NDST3: variants seen among roughly 807,000 people sequenced by gnomAD.
NDST3 encodes N-deacetylase and N-sulfotransferase 3, also known as bifunctional heparan sulfate N-deacetylase/N-sulfotransferase 3.
NDST3 carries 58 observed loss-of-function variants against 96.1 expected under a neutral mutation model. The ratio of observed to expected loss-of-function variants is 0.60; its 90% CI spans 0.49 to 0.75. The LOEUF is 0.75. NDST3 is among the 30% of genes least tolerant of loss of function. NDST3 has a pLI of 0.00. For missense variants in NDST3, 788 were observed against 1,034.2 expected (o/e 0.76, Z 3.27); for synonymous variants, 333 against 359.7 (o/e 0.93, Z 0.84).
At chr4:118,183,507 T>G (rs1204760496) in intron 6 of NDST3, among the ~76,000 whole-genome samples, 3 of 152,094 alleles carry the variant, frequency 2.0e-5, no homozygotes, top group Non-Finnish European at 4.4e-5. Context: ...CCACCATGAA[T>G]CATCTCACTA....
intron 12 of NDST3, among the ~76,000 whole-genome samples, chr4:118,251,104 AT>A (rs1560747538): frequency 2.2e-5 from 3 of 139,158 alleles, no homozygotes; most frequent in East Asian, 4.1e-4. Context: ...TTATTTATTT[AT>A]TTATTTATTT....
intron 1 of NDST3, among the ~76,000 whole-genome samples, chr4:118,049,696 C>T (rs1360799036): frequency 6.6e-6 from 1 of 150,802 alleles, no homozygotes; most frequent in Admixed American, 6.6e-5. Flanking sequence ...CTGAAAAGAC[C>T]AATATCAAGC....
chr4:118,195,740 T>C (rs1359329254), intron 6 of NDST3, among the ~76,000 whole-genome samples: 4 of 152,258 alleles, frequency 2.6e-5, no homozygotes, highest in Admixed American at 2.0e-4. Context: ...TCAGTTCTAA[T>C]AGTTTTTTGG....
intron 6 of NDST3, among the ~76,000 whole-genome samples, chr4:118,146,392 G>C (rs545020250): frequency 2.0e-4 from 30 of 152,130 alleles, no homozygotes; most frequent in Non-Finnish European, 4.0e-4. Flanking sequence ...CATTTGAGCT[G>C]AAAACAAAAA....
intron 12 of NDST3, among the ~76,000 whole-genome samples, chr4:118,247,509 G>C (rs535217946): frequency 6.6e-6 from 1 of 151,896 alleles, no homozygotes; most frequent in Non-Finnish European, 1.5e-5. Flanking sequence ...CCAAGATCGC[G>C]CCACTGCAAT....
rs149661802 is a variant in NDST3, at chr4:118,211,790, G to A, written c.1540-12701G>A. The stretch of plus-strand genomic sequence containing the variant: ...TAATTAAAGCTAGAAAGTACAGTCC[G>A]TAAATCTGTGTAACTAGGCTCTCAT... On this transcript the variant is annotated intron_variant, in intron 6 of 13. Transcript: ENST00000296499. Among the ~76,000 whole-genome samples, 390 of 152,184 alleles carry A rather than the reference G, an allele frequency of 2.6e-3. 1 individual carries two copies. Among genetic ancestry groups the A allele is most frequent in the African/African-American group, 8.8e-3 (366 of 41,554 alleles).
intron 6 of NDST3, among the ~76,000 whole-genome samples, chr4:118,210,089 A>G (rs1343488719): frequency 6.6e-6 from 1 of 152,182 alleles, no homozygotes; most frequent in African/African-American, 2.4e-5. Context: ...AAAAATGTCA[A>G]GTTCCTGGAA....
chr4:118,194,247 T>C (rs753186381), intron 6 of NDST3: 4 of 724,822 alleles, frequency 5.5e-6, no homozygotes, highest in Non-Finnish European at 1.0e-5. Flanking sequence ...GCAATCTCCA[T>C]GATAGCACCC....
intron 4 of NDST3, among the ~76,000 whole-genome samples, chr4:118,115,773 T>C (rs977199468): frequency 3.3e-5 from 5 of 152,160 alleles, no homozygotes; most frequent in Admixed American, 6.5e-5. Flanking sequence ...TTTCAGTTGG[T>C]TCTCACAGTA....
At chr4:118,111,685 C>T (rs142622890) in intron 3 of NDST3, among the ~76,000 whole-genome samples, 9 of 151,976 alleles carry the variant, frequency 5.9e-5, no homozygotes, top group African/African-American at 9.7e-5. Context: ...TACAGGTGCC[C>T]GCCACCATGC....
intron 4 of NDST3, among the ~76,000 whole-genome samples, chr4:118,123,316 A>C (rs1731763142): frequency 6.6e-6 from 1 of 152,116 alleles, no homozygotes; most frequent in South Asian, 2.1e-4. Flanking sequence ...CAAGATTCCT[A>C]ATCAACCTTG....
At chr4:118,133,245 G>A (rs1005633931) in intron 4 of NDST3, among the ~76,000 whole-genome samples, 2 of 152,186 alleles carry the variant, frequency 1.3e-5, no homozygotes, top group African/African-American at 4.8e-5. Context: ...AGCTCTAACT[G>A]ATGACATGCA....
chr4:118,047,517 G>A (rs772428748), intron 1 of NDST3, among the ~76,000 whole-genome samples: 9 of 152,186 alleles, frequency 5.9e-5, no homozygotes, highest in Non-Finnish European at 1.2e-4. Flanking sequence ...TACTATCCAA[G>A]AGATGAAATA....
At chr4:118,163,681 G>A (rs1234516293) in intron 6 of NDST3, among the ~76,000 whole-genome samples, 1 of 151,864 alleles carries the variant, frequency 6.6e-6, no homozygotes, top group Non-Finnish European at 1.5e-5. Context: ...CAGCACACCA[G>A]CATGGCACAT....
intron 6 of NDST3, among the ~76,000 whole-genome samples, chr4:118,197,316 A>G (rs1737760637): frequency 8.4e-6 from 1 of 118,842 alleles, no homozygotes; most frequent in South Asian, 2.9e-4. Flanking sequence ...TGTATTCTGC[A>G]GTCTTTGAAG....
chr4:118,181,312 A>G (rs1736593997), intron 6 of NDST3, among the ~76,000 whole-genome samples: 1 of 152,120 alleles, frequency 6.6e-6, no homozygotes, highest in Non-Finnish European at 1.5e-5. Flanking sequence ...GAATGCAAGG[A>G]AACTGGATGG....
chr4:118,034,418 A>T (rs1005746479), upstream of NDST3: 1 of 152,088 alleles, frequency 6.6e-6, no homozygotes, highest in Non-Finnish European at 1.5e-5. Context: ...TAGCAGTTTG[A>T]TGGCTAATAT....
At chr4:118,084,930 C>T (rs1728300492) in intron 2 of NDST3, among the ~76,000 whole-genome samples, 1 of 152,192 alleles carries the variant, frequency 6.6e-6, no homozygotes, top group South Asian at 2.1e-4. Context: ...ACCATCCTGG[C>T]TAACATGGTG....
intron 6 of NDST3, among the ~76,000 whole-genome samples, chr4:118,216,367 CAAT>C (rs770441013): frequency 1.5e-4 from 23 of 152,110 alleles, no homozygotes; most frequent in East Asian, 7.7e-4. Context: ...TCCAAAATAA[CAAT>C]AATATATCAA....
Sources: allele counts gnomAD v4.1 joint callset (sites outside exome capture counted in the v4.1 genomes callset), GRCh38; gene constraint gnomAD v4.1.1; transcripts MANE v1.5; gene names NCBI Gene and HGNC (gene_info 2026-07-23, HGNC 2026-07-21).